Variants in PDE1C observed in about 807,000 individuals in gnomAD.
PDE1C encodes dual specificity calcium/calmodulin-dependent 3',5'-cyclic nucleotide phosphodiesterase 1C.
A neutral mutation model predicts 93.1 loss-of-function variants in PDE1C; 62 were observed. The observed-to-expected ratio is 0.67, with a 90% confidence interval of 0.54 to 0.82. The LOEUF (loss-of-function observed/expected upper bound fraction) is 0.82. Among genes scored for constraint, PDE1C ranks in the 40% least tolerant of loss-of-function variants. The pLI is 0.00. For synonymous variants in PDE1C, 325 were observed against 310.1 expected, an observed-to-expected ratio of 1.05 and a Z score of -0.50; for missense variants, 742 against 884.6, an observed-to-expected ratio of 0.84 and a Z score of 2.04.
At chr7:31,639,547 T>G in the PDE1C span, among the ~76,000 whole-genome samples, 3 of 149,672 alleles carry the variant, frequency 2.0e-5, no homozygotes, top group East Asian at 5.8e-4. Flanking sequence ...TGTTTTTTTT[T>G]TTTTTTTGAG....
chr7:31,646,473 C>G, the PDE1C span, among the ~76,000 whole-genome samples: 3 of 152,110 alleles, frequency 2.0e-5, no homozygotes, highest in African/African-American at 7.2e-5. Context: ...GGGGAAAAGG[C>G]ACAGGAACCC....
At chr7:32,266,552 G>A (rs1429746171) in intron 1 of PDE1C, among the ~76,000 whole-genome samples, 1 of 152,168 alleles carries the variant, frequency 6.6e-6, no homozygotes, top group Non-Finnish European at 1.5e-5. Context: ...GATGGGTGAG[G>A]GAGAGGAATA....
At chr7:32,020,272 G>C (rs969555386) in intron 2 of PDE1C, among the ~76,000 whole-genome samples, 36 of 152,042 alleles carry the variant, frequency 2.4e-4, no homozygotes, top group African/African-American at 8.7e-4. Flanking sequence ...TATATGTCAA[G>C]GACTTTCCTG....
chr7:31,769,340 T>C lies in PDE1C; in HGVS notation c.1960+6324A>G, dbSNP rs558349007. 5.8e-4 allele frequency among the ~76,000 whole-genome samples: 88 copies of C among 152,336 alleles called. 1 individual carries two copies. The highest frequency in any genetic ancestry group is 2.0e-3 in the African/African-American group (82 of 41,580). ...TTCCCTGCACATAATCAGCTTCTCATAGCATTTAAGGTTTCCTCACCCTTG... is the reference window on the plus strand; with the variant it reads ...TTCCCTGCACATAATCAGCTTCTCACAGCATTTAAGGTTTCCTCACCCTTG... On this transcript the variant is annotated intron_variant, in intron 17 of 17. Transcript: ENST00000396191.
At chr7:31,749,267 C>T (rs994390786), downstream of PDE1C, among the ~76,000 whole-genome samples, 1 of 152,120 alleles carries the variant, frequency 6.6e-6, no homozygotes, top group East Asian at 1.9e-4. Flanking sequence ...AAAAAATAAA[C>T]AAGCAGAACT....
At chr7:31,652,483 G>A in the PDE1C span, 1 of 1,547,274 alleles carries the variant, frequency 6.5e-7, no homozygotes, top group Non-Finnish European at 8.7e-7. Context: ...AATGTGATGT[G>A]CTGTTTACTC....
chr7:32,425,468 A>G (rs1785508569), intron 1 of PDE1C, among the ~76,000 whole-genome samples: 1 of 152,214 alleles, frequency 6.6e-6, no homozygotes. Flanking sequence ...TTAATTGCAT[A>G]TATTTCTTAT....
the PDE1C span, among the ~76,000 whole-genome samples, chr7:31,617,668 G>A: frequency 4.6e-5 from 7 of 151,524 alleles, no homozygotes; most frequent in East Asian, 5.8e-4. Context: ...AAAAACCCAC[G>A]ATACTCTTGT....
At chr7:32,295,665 G>A (rs1812573990) in intron 1 of PDE1C, among the ~76,000 whole-genome samples, 1 of 152,176 alleles carries the variant, frequency 6.6e-6, no homozygotes, top group African/African-American at 2.4e-5. Context: ...ACCGAGGTGG[G>A]TGGATCATGA....
At chr7:32,278,435 T>A (rs565506752) in intron 1 of PDE1C, among the ~76,000 whole-genome samples, 19 of 152,254 alleles carry the variant, frequency 1.2e-4, no homozygotes, top group Non-Finnish European at 2.8e-4. Flanking sequence ...AAATTCTTCC[T>A]CACCTAAAGA....
chr7:32,131,500 G>C (rs1357745115), intron 3 of PDE1C, among the ~76,000 whole-genome samples: 1 of 152,066 alleles, frequency 6.6e-6, no homozygotes. Context: ...GCTTCCTTGA[G>C]TCTCCAATAA....
intron 1 of PDE1C, among the ~76,000 whole-genome samples, chr7:32,379,806 C>T (rs1191053057): frequency 6.6e-6 from 1 of 152,196 alleles, no homozygotes; most frequent in African/African-American, 2.4e-5. Flanking sequence ...AAGCTATAAA[C>T]GGCACTTAGC....
the PDE1C span, among the ~76,000 whole-genome samples, chr7:31,623,116 C>T: frequency 1.3e-5 from 2 of 152,142 alleles, no homozygotes; most frequent in South Asian, 2.1e-4. Context: ...TAATCAGTAG[C>T]TTACCAACCA....
chr7:32,049,960 T>C (rs184016854), intron 2 of PDE1C, among the ~76,000 whole-genome samples: 6 of 152,326 alleles, frequency 3.9e-5, no homozygotes, highest in African/African-American at 1.2e-4. Flanking sequence ...CTAGATGGTA[T>C]AGCCTACTAC....
chr7:32,134,476 GA>G (rs1272132059), intron 3 of PDE1C, among the ~76,000 whole-genome samples: 1 of 151,974 alleles, frequency 6.6e-6, no homozygotes, highest in Non-Finnish European at 1.5e-5. Flanking sequence ...AGAAAATGAA[GA>G]GCCAGTAAAG....
chr7:31,791,189 T>C (rs1226040651), intron 16 of PDE1C, among the ~76,000 whole-genome samples: 2 of 152,178 alleles, frequency 1.3e-5, no homozygotes, highest in Non-Finnish European at 2.9e-5. Context: ...GGAGAACTCC[T>C]TCTGATCTAT....
intron 16 of PDE1C, among the ~76,000 whole-genome samples, chr7:31,777,995 T>C (rs1394236380): frequency 6.6e-6 from 1 of 152,152 alleles, no homozygotes; most frequent in Non-Finnish European, 1.5e-5. Context: ...TAAATATGAC[T>C]TCCAAGCTCC....
At chr7:32,216,673 C>T (rs764933209) in intron 1 of PDE1C, among the ~76,000 whole-genome samples, 73 of 152,240 alleles carry the variant, frequency 4.8e-4, no homozygotes, top group Non-Finnish European at 8.4e-4. Flanking sequence ...AACATCCAGT[C>T]ATGGTCCCTG....
chr7:31,697,146 G>A, the PDE1C span: 14,005 of 1,611,022 alleles, frequency 8.7e-3, 94 homozygotes, highest in Non-Finnish European at 0.011. Context: ...GGCATTTGCA[G>A]GGGGTGATGG....
Sources: allele counts gnomAD v4.1 joint callset (sites outside exome capture counted in the v4.1 genomes callset), GRCh38; gene constraint gnomAD v4.1.1; transcripts MANE v1.5; gene names NCBI Gene and HGNC (gene_info 2026-07-23, HGNC 2026-07-21).